The following SNTG1 variants were observed in gnomAD, a reference collection of about 807,000 sequenced individuals.
SNTG1 encodes the protein gamma-1-syntrophin.
In SNTG1, 39 loss-of-function variants were observed where a neutral mutation model predicts 74.7. The ratio of observed to expected loss-of-function variants is 0.52; its 90% CI spans 0.40 to 0.68. The LOEUF (loss-of-function observed/expected upper bound fraction) is 0.68. SNTG1 is among the 30% of genes least tolerant of loss of function. The probability of loss-of-function intolerance (pLI) is 0.00; values close to 1 mark genes in which losing one functional copy is unlikely to be tolerated. For missense variants in SNTG1, 685 were observed against 609.5 expected (o/e 1.12, Z -1.30); for synonymous variants, 254 against 217.1 (o/e 1.17, Z -1.49).
Position 50,795,350 on chromosome 8 carries a change from A to T in SNTG1, c.*2521A>T, listed in dbSNP as rs1802760476. On this transcript the variant is annotated 3_prime_UTR_variant, in exon 19 of 19. Transcript: ENST00000642720. The stretch of plus-strand genomic sequence containing the variant: ...TTTCTTTACAATGTGGTGATTAGTC[A>T]TTGGCATTTGTTATAACTTGGACTA... 1 of 152,098 alleles carries T rather than the reference A, an allele frequency of 6.6e-6. No individual in the cohort carries two copies. Among genetic ancestry groups the T allele is most frequent in the African/African-American group, 2.4e-5 (1 of 41,448 alleles). 9.4% of individuals were successfully genotyped at this position (152,098 alleles called of 1,614,324 possible). A position where few individuals can be genotyped will look rare whatever the true frequency, so the allele number is the denominator to read the frequency against.
intron 15 of SNTG1, among the ~76,000 whole-genome samples, chr8:50,702,146 C>A (rs971726955): frequency 9.2e-5 from 14 of 151,678 alleles, no homozygotes; most frequent in Non-Finnish European, 1.9e-4. Flanking sequence ...GCCACTGCGC[C>A]CAGCCTCTTA....
At chr8:50,130,303 A>C (rs2081278154) in intron 1 of SNTG1, among the ~76,000 whole-genome samples, 1 of 152,170 alleles carries the variant, frequency 6.6e-6, no homozygotes, top group South Asian at 2.1e-4. Flanking sequence ...TTTCAGAAAG[A>C]GAATAGTGAG....
At chr8:50,337,904 A>G (rs2091196046) in intron 2 of SNTG1, among the ~76,000 whole-genome samples, 1 of 152,180 alleles carries the variant, frequency 6.6e-6, no homozygotes, top group South Asian at 2.1e-4. Flanking sequence ...TGGGAGGCCA[A>G]GGCGGGCGGA....
chr8:50,564,543 T>G (rs1585699571), intron 12 of SNTG1, among the ~76,000 whole-genome samples: 1 of 152,172 alleles, frequency 6.6e-6, no homozygotes, highest in Admixed American at 6.6e-5. Context: ...TACTAAATAC[T>G]CAAAGGGATG....
chr8:50,678,923 T>C (rs948479649), intron 15 of SNTG1, among the ~76,000 whole-genome samples: 2 of 152,090 alleles, frequency 1.3e-5, no homozygotes, highest in African/African-American at 4.8e-5. Flanking sequence ...TATAGATAAA[T>C]AAACACATAC....
At position 50,058,962 on chromosome 8, in the gene SNTG1, T is replaced by G. The variant is rs199794661; in HGVS notation, c.-102-113599T>G. On this transcript the variant is annotated intron_variant, in intron 1 of 18. Transcript: ENST00000642720. ...ATTGTTCTCCATTTTCCAAACTTTG[T>G]CATTTCAAGAATGTTGTATAAATTC... is the stretch of plus-strand genomic sequence containing the variant. Among the ~76,000 whole-genome samples, 3 of 152,228 alleles carry G rather than the reference T, an allele frequency of 2.0e-5. No individual in the cohort carries two copies. The East Asian group carries it at 5.8e-4, about 29-fold the overall frequency.
At position 49,982,495 on chromosome 8, in the gene SNTG1, C is replaced by T. The variant is rs535381150; in HGVS notation, c.-103+70264C>T. Among the ~76,000 whole-genome samples the T allele has an allele frequency of 3.3e-5, 5 of 150,648 alleles. No homozygotes were observed. In the East Asian group the frequency reaches 9.8e-4, roughly 30 times the overall value. On this transcript the variant is annotated intron_variant, in intron 1 of 18. Coordinates refer to ENST00000642720, the MANE Select transcript of SNTG1 (RefSeq NM_018967.5). ...TCATTATATATAGTGCAAAATATCA[C>T]ATATATGTATACATGTATACATACA...
At chr8:50,698,056 G>C (rs2095411151) in intron 15 of SNTG1, among the ~76,000 whole-genome samples, 1 of 152,128 alleles carries the variant, frequency 6.6e-6, no homozygotes, top group African/African-American at 2.4e-5. Flanking sequence ...GGATCCATCT[G>C]TTCCTGGGAT....
At chr8:49,932,422 G>T (rs1183480293) in intron 1 of SNTG1, among the ~76,000 whole-genome samples, 2 of 151,696 alleles carry the variant, frequency 1.3e-5, no homozygotes, top group African/African-American at 4.8e-5. Context: ...TCTTCACTGA[G>T]ATTTATTAAT....
chr8:50,355,351 T>C (rs1049080945), intron 2 of SNTG1, among the ~76,000 whole-genome samples: 24 of 152,058 alleles, frequency 1.6e-4, no homozygotes, highest in African/African-American at 4.8e-5. Context: ...TATGATATAC[T>C]ATGACCAGAT....
intron 13 of SNTG1, among the ~76,000 whole-genome samples, chr8:50,643,017 G>A (rs774083987): frequency 6.6e-6 from 1 of 151,874 alleles, no homozygotes; most frequent in Non-Finnish European, 1.5e-5. Flanking sequence ...CTTATATGTG[G>A]ACACTGTAGA....
intron 1 of SNTG1, among the ~76,000 whole-genome samples, chr8:49,923,155 T>G (rs1806706990): frequency 6.6e-6 from 1 of 152,130 alleles, no homozygotes; most frequent in Non-Finnish European, 1.5e-5. Context: ...TAGGAGATAT[T>G]GTCAAAAACA....
intron 2 of SNTG1, among the ~76,000 whole-genome samples, chr8:50,336,484 C>T (rs2091147430): frequency 6.6e-6 from 1 of 152,148 alleles, no homozygotes. Context: ...TCTAGATTGT[C>T]TAAACCAGAG....
intron 1 of SNTG1, among the ~76,000 whole-genome samples, chr8:50,026,894 G>A (rs554412528): frequency 7.9e-5 from 12 of 152,252 alleles, no homozygotes; most frequent in African/African-American, 2.9e-4. Flanking sequence ...TAAACATGTA[G>A]ATAAGTCAAG....
intron 1 of SNTG1, among the ~76,000 whole-genome samples, chr8:50,041,662 G>A (rs1256950518): frequency 6.6e-6 from 1 of 152,012 alleles, no homozygotes; most frequent in Non-Finnish European, 1.5e-5. Flanking sequence ...ATCTGTTAAG[G>A]GACTGTGGAA....
intron 9 of SNTG1, among the ~76,000 whole-genome samples, chr8:50,515,466 C>G (rs1005689542): frequency 8.0e-5 from 11 of 137,972 alleles, no homozygotes; most frequent in Non-Finnish European, 1.5e-4. Flanking sequence ...ATTCACTCCC[C>G]TGGAAAGGGG....
intron 12 of SNTG1, among the ~76,000 whole-genome samples, chr8:50,584,202 T>C (rs908810781): frequency 6.6e-6 from 1 of 152,180 alleles, no homozygotes; most frequent in African/African-American, 2.4e-5. Flanking sequence ...TTCCAAGTCT[T>C]TGCTCTTGTA....
At chr8:50,507,050 T>A (rs540114363) in intron 9 of SNTG1, among the ~76,000 whole-genome samples, 10 of 152,230 alleles carry the variant, frequency 6.6e-5, no homozygotes, top group African/African-American at 2.2e-4. Context: ...ATTTGGCAAA[T>A]GCTTTTTTCT....
At chr8:50,252,128 T>C (rs2086671420) in intron 2 of SNTG1, among the ~76,000 whole-genome samples, 1 of 151,398 alleles carries the variant, frequency 6.6e-6, no homozygotes, top group Non-Finnish European at 1.5e-5. Flanking sequence ...ACTGAGAAAA[T>C]TAAAGGAGAA....
Sources: gnomAD v4.1 joint callset for allele counts (sites outside exome capture counted in the v4.1 genomes callset) on GRCh38, gnomAD v4.1.1 for gene constraint, MANE v1.5 for transcripts, NCBI Gene and HGNC (gene_info 2026-07-23, HGNC 2026-07-21) for gene names.